The following UBA2 variants were observed in gnomAD, a reference collection of about 807,000 sequenced individuals.
UBA2 encodes SUMO-activating enzyme subunit 2.
A neutral mutation model predicts 77.2 loss-of-function variants in UBA2; 11 were observed. That is an observed-to-expected ratio of 0.14 (90% CI 0.09 to 0.24). The LOEUF (loss-of-function observed/expected upper bound fraction) is 0.24. UBA2 is among the 10% of genes least tolerant of loss of function. UBA2 has a pLI of 1.00. For missense variants in UBA2, 487 were observed against 781.7 expected, an observed-to-expected ratio of 0.62 and a Z score of 4.50; for synonymous variants, 278 against 276.7, an observed-to-expected ratio of 1.00 and a Z score of -0.05.
chr19:34,442,598 A>T (rs2075382710), intron 6 of UBA2, among the ~76,000 whole-genome samples: 1 of 152,052 alleles, frequency 6.6e-6, no homozygotes, highest in African/African-American at 2.4e-5. Context: ...CGCCCAGCTA[A>T]TATTTGTATT....
In UBA2 at chr19:34,451,991, G is replaced by A. The variant is rs146405147; in HGVS notation, c.882G>A (p.Thr294=). The part of the protein sequence containing the change: ...WAEVQSQGEE[T]NASDQQNEPQ... ...TATTTTTTTCTTTAGGAGAAGAAAC[G>A]AATGCATCAGATCAACAGAATGAAC... is the stretch of plus-strand genomic sequence containing the variant. The change falls in exon 10 of 17, where the codon ACG becomes ACA. Residue 294 remains threonine (T), a synonymous_variant. Coordinates refer to ENST00000246548, the MANE Select transcript of UBA2 (RefSeq NM_005499.3). 681 of 1,540,748 alleles carry A rather than the reference G, an allele frequency of 4.4e-4. 1 individual carries two copies. The highest frequency in any genetic ancestry group is 1.4e-3 in the South Asian group (106 of 78,016).
intron 8 of UBA2, among the ~76,000 whole-genome samples, chr19:34,448,095 T>C (rs1212570926): frequency 6.6e-6 from 1 of 152,132 alleles, no homozygotes; most frequent in Non-Finnish European, 1.5e-5. Context: ...TGAAAGGTGG[T>C]CTTACAGGAT....
At chr19:34,462,109 A>G (rs1413641458) in intron 14 of UBA2, among the ~76,000 whole-genome samples, 3 of 152,092 alleles carry the variant, frequency 2.0e-5, no homozygotes, top group African/African-American at 7.2e-5. Flanking sequence ...TCACATGTGC[A>G]GTGTGTGTCT....
intron 8 of UBA2, 54 bp from the exon 9 acceptor site, chr19:34,450,211 T>C (rs752258770): frequency 1.3e-5 from 17 of 1,265,936 alleles, no homozygotes; most frequent in Non-Finnish European, 1.7e-5. Context: ...CGTTTTCTTG[T>C]ATCTTATCAA....
intron 5 of UBA2, among the ~76,000 whole-genome samples, chr19:34,438,070 G>A (rs1040485315): frequency 2.0e-5 from 3 of 152,106 alleles, no homozygotes; most frequent in Middle Eastern, 3.4e-3. Context: ...AAAAAGAAAC[G>A]TATATCAATA....
chr19:34,430,525 C>G, intron 1 of UBA2, 51 bp from the exon 2 acceptor site: 1 of 1,425,796 alleles, frequency 7.0e-7, no homozygotes. Flanking sequence ...AGTGATACAG[C>G]TCAAACATAC....
At chr19:34,429,729 G>A (rs561566140) in intron 1 of UBA2, among the ~76,000 whole-genome samples, 60 of 152,030 alleles carry the variant, frequency 3.9e-4, no homozygotes, top group African/African-American at 1.3e-3. Flanking sequence ...CCAGCTACCC[G>A]GGAGGCTGTG....
At chr19:34,437,595 C>T (rs561856751) in intron 5 of UBA2, among the ~76,000 whole-genome samples, 5 of 151,778 alleles carry the variant, frequency 3.3e-5, no homozygotes, top group East Asian at 2.0e-4. Context: ...GGGCAACGAG[C>T]GAAATTCCGT....
At chr19:34,467,880 A>C (rs754980410) in intron 16 of UBA2, among the ~76,000 whole-genome samples, 2 of 152,224 alleles carry the variant, frequency 1.3e-5, no homozygotes, top group Non-Finnish European at 2.9e-5. Context: ...ATAGTTTACT[A>C]GTGTGCAAAG....
chr19:34,451,946 A>C, intron 9 of UBA2, 35 bp from the exon 10 acceptor site: 1 of 1,249,662 alleles, frequency 8.0e-7, no homozygotes, highest in Non-Finnish European at 1.1e-6. Context: ...GATGTTAATT[A>C]GTGAAATTTC....
chr19:34,448,706 T>G (rs2075458932), intron 8 of UBA2, among the ~76,000 whole-genome samples: 1 of 152,104 alleles, frequency 6.6e-6, no homozygotes, highest in South Asian at 2.1e-4. Context: ...TTTGGAACAT[T>G]AGAGAAGTGG....
chr19:34,461,670 T>C (rs1158506253), intron 14 of UBA2, among the ~76,000 whole-genome samples: 2 of 152,148 alleles, frequency 1.3e-5, no homozygotes, highest in Admixed American at 6.5e-5. Context: ...CTTACCAGAA[T>C]ATGTGTGGAG....
intron 5 of UBA2, 137 bp from the exon 6 acceptor site, chr19:34,438,508 G>C: frequency 9.6e-7 from 1 of 1,039,290 alleles, no homozygotes; most frequent in Non-Finnish European, 1.4e-6. Context: ...AAGCATTTTG[G>C]AGTCACTAAT....
chr19:34,434,095 A>T (rs895778639), intron 4 of UBA2, among the ~76,000 whole-genome samples: 11 of 152,226 alleles, frequency 7.2e-5, no homozygotes, highest in Non-Finnish European at 1.6e-4. Flanking sequence ...TCTAAATAAA[A>T]AACACAAGGA....
rs2075239584 is a variant in UBA2, at chr19:34,430,423, T to A, written c.139-153T>A. Among the ~76,000 whole-genome samples, 3 of 152,238 alleles carry A rather than the reference T, an allele frequency of 2.0e-5. No homozygotes were observed. The South Asian group carries it at 6.2e-4, about 32-fold the overall frequency. ...CTTACATGCATTAAATTATTCTTTA[T>A]CAGTTTAACAATTTTGGTATGGCGA... is the stretch of plus-strand genomic sequence containing the variant. On this transcript the variant is annotated intron_variant, in intron 1 of 16. Transcript: ENST00000246548.
intron 5 of UBA2, among the ~76,000 whole-genome samples, chr19:34,436,101 C>CAA (rs59179710): frequency 0.93 from 139,403 of 149,604 alleles, 65,073 homozygotes; most frequent in African/African-American, 0.98. Context: ...GCCTGGGCAA[C>CAA]GAGCGAAACT....
intron 4 of UBA2, among the ~76,000 whole-genome samples, chr19:34,434,428 C>T (rs922592887): frequency 6.6e-6 from 1 of 152,200 alleles, no homozygotes; most frequent in African/African-American, 2.4e-5. Context: ...AAATTACTCT[C>T]TTAACCTGAC....
intron 6 of UBA2, among the ~76,000 whole-genome samples, chr19:34,442,761 C>T (rs186749453): frequency 6.6e-6 from 1 of 152,140 alleles, no homozygotes; most frequent in African/African-American, 2.4e-5. Context: ...CCTCAATAAA[C>T]CTGTTGTAAA....
chr19:34,454,625 C>A, intron 12 of UBA2, 69 bp downstream of exon 12: 1 of 759,142 alleles, frequency 1.3e-6, no homozygotes, highest in East Asian at 3.1e-5. Flanking sequence ...GTACATTAAA[C>A]AGATAATTTT....
Sources: gnomAD v4.1 joint callset for allele counts (sites outside exome capture counted in the v4.1 genomes callset) on GRCh38, gnomAD v4.1.1 for gene constraint, MANE v1.5 for transcripts, NCBI Gene and HGNC (gene_info 2026-07-23, HGNC 2026-07-21) for gene names.